The following CYTH1 variants were observed in gnomAD, a reference collection of about 807,000 sequenced individuals.
CYTH1 encodes cytohesin 1, also known as cytohesin-1.
In CYTH1, 18 loss-of-function variants were observed where a neutral mutation model predicts 61.8. The ratio of observed to expected loss-of-function variants is 0.29; its 90% CI spans 0.20 to 0.43. CYTH1 has a LOEUF of 0.43. CYTH1 is among the 20% of genes least tolerant of loss of function. The pLI is 1.00. For missense variants in CYTH1, 336 were observed against 510.5 expected (o/e 0.66, Z 3.29); for synonymous variants, 174 against 184.3 (o/e 0.94, Z 0.45).
intron 1 of CYTH1, among the ~76,000 whole-genome samples, chr17:78,760,428 CATACATATATATATGTATATATATAT>C (rs1567879224): frequency 0.01 from 553 of 53,106 alleles, 62 homozygotes; most frequent in Non-Finnish European, 0.014. Context: ...TATATATACA[CATACATATATATATGTATATATATAT>C]ACATACATAT....
intron 1 of CYTH1, among the ~76,000 whole-genome samples, chr17:78,778,031 G>A (rs1220056240): frequency 6.6e-6 from 1 of 152,032 alleles, no homozygotes; most frequent in African/African-American, 2.4e-5. Context: ...GGCTGGGCTT[G>A]GTGGCTCAGG....
chr17:78,778,241 A>G (rs2093500861), intron 1 of CYTH1, among the ~76,000 whole-genome samples: 1 of 145,026 alleles, frequency 6.9e-6, no homozygotes, highest in African/African-American at 2.6e-5. Context: ...TGGAAGCTGC[A>G]GGGAGCTAAG....
chr17:78,730,275 C>T (rs2093286244), intron 1 of CYTH1, among the ~76,000 whole-genome samples: 2 of 150,340 alleles, frequency 1.3e-5, no homozygotes, highest in Admixed American at 6.7e-5. Context: ...CCTTTAATCC[C>T]AGCACTTTGG....
At chr17:78,722,328 G>A (rs751060505) in intron 1 of CYTH1, among the ~76,000 whole-genome samples, 4 of 152,198 alleles carry the variant, frequency 2.6e-5, no homozygotes, top group Non-Finnish European at 4.4e-5. Flanking sequence ...GCACTCCACT[G>A]CTGTTTCGAA....
At chr17:78,771,909 T>C (rs16971682) in intron 1 of CYTH1, among the ~76,000 whole-genome samples, 40,449 of 151,878 alleles carry the variant, frequency 0.27, 6,480 homozygotes, top group East Asian at 0.36. Flanking sequence ...TGAGGAGTCA[T>C]AGAAATCCCC....
At chr17:78,735,682 TGGGAAAA>T (rs2093317167) in intron 1 of CYTH1, among the ~76,000 whole-genome samples, 1 of 152,146 alleles carries the variant, frequency 6.6e-6, no homozygotes, top group Non-Finnish European at 1.5e-5. Context: ...TGAACCAGAG[TGGGAAAA>T]GCCTAAAGAG....
chr17:78,758,493 T>G (rs549766788), intron 1 of CYTH1, among the ~76,000 whole-genome samples: 1 of 151,972 alleles, frequency 6.6e-6, no homozygotes, highest in African/African-American at 2.4e-5. Context: ...TCACCCGAGG[T>G]CAGGAGTTCG....
intron 12 of CYTH1, 134 bp downstream of exon 12, chr17:78,680,834 GAAC>G: frequency 3.4e-6 from 3 of 879,566 alleles, no homozygotes; most frequent in Non-Finnish European, 5.5e-6. Context: ...TCTTTGGCTT[GAAC>G]AATATAATAA....
chr17:78,705,305 C>T (rs2093053894), intron 3 of CYTH1, among the ~76,000 whole-genome samples: 1 of 152,154 alleles, frequency 6.6e-6, no homozygotes, highest in Admixed American at 6.5e-5. Flanking sequence ...TCCCTAATTT[C>T]ATTAGCTAGC....
rs189834173 is a variant in CYTH1 at position 78,757,500 on chromosome 17, G to C, written c.22+24702C>G. On this transcript the variant is annotated intron_variant, in intron 1 of 13. Transcript: ENST00000446868. ...TCTGTTGAATAGATGAATAAAAAAC[G>C]ACCTGGGAAAGAAGCTGCTATAATT... Among the ~76,000 whole-genome samples the C allele has an allele frequency of 1.6e-3, 248 of 152,152 alleles. 1 individual carries two copies. The highest frequency in any genetic ancestry group is 5.8e-3 in the African/African-American group (239 of 41,514).
chr17:78,681,275 G>A (rs2092759399), intron 11 of CYTH1, among the ~76,000 whole-genome samples: 1 of 152,124 alleles, frequency 6.6e-6, no homozygotes, highest in Non-Finnish European at 1.5e-5. Context: ...AGATTCAACA[G>A]ACACCGTGAG....
At chr17:78,746,588 T>C (rs952662049) in intron 1 of CYTH1, among the ~76,000 whole-genome samples, 6 of 152,132 alleles carry the variant, frequency 3.9e-5, no homozygotes, top group African/African-American at 9.7e-5. Flanking sequence ...CTAACACTTT[T>C]AGAATGCCGA....
intron 1 of CYTH1, among the ~76,000 whole-genome samples, chr17:78,724,558 A>G (rs528125301): frequency 6.6e-6 from 1 of 152,254 alleles, no homozygotes; most frequent in African/African-American, 2.4e-5. Flanking sequence ...CCCCATCCCA[A>G]TTCCCCACAA....
chr17:78,722,156 T>A (rs2093234454), intron 1 of CYTH1, among the ~76,000 whole-genome samples: 1 of 152,244 alleles, frequency 6.6e-6, no homozygotes, highest in Non-Finnish European at 1.5e-5. Flanking sequence ...CAAAATTTTA[T>A]CCTGCGAATT....
intron 11 of CYTH1, among the ~76,000 whole-genome samples, chr17:78,692,211 C>T (rs143950271): frequency 2.1e-3 from 317 of 152,282 alleles, no homozygotes; most frequent in African/African-American, 7.3e-3. Flanking sequence ...GCTCTGAGCC[C>T]GTGCCCTTTA....
intron 1 of CYTH1, among the ~76,000 whole-genome samples, chr17:78,777,955 G>A (rs769621881): frequency 5.9e-5 from 9 of 151,970 alleles, no homozygotes; most frequent in African/African-American, 1.5e-4. Context: ...TGAAAACAGC[G>A]CACACACAAA....
intron 11 of CYTH1, among the ~76,000 whole-genome samples, chr17:78,685,203 C>CAA (rs58642161): frequency 0.037 from 2,218 of 59,790 alleles, 59 homozygotes; most frequent in Non-Finnish European, 0.047. Flanking sequence ...GACTCTGTCT[C>CAA]AAAAAAAAAA....
chr17:78,762,107 C>G (rs906092874), intron 1 of CYTH1, among the ~76,000 whole-genome samples: 5 of 152,166 alleles, frequency 3.3e-5, no homozygotes, highest in African/African-American at 1.2e-4. Flanking sequence ...TTTTTCCTAT[C>G]AAGGTCCATT....
intron 1 of CYTH1, among the ~76,000 whole-genome samples, chr17:78,719,694 T>C (rs937716276): frequency 6.6e-6 from 1 of 152,204 alleles, no homozygotes; most frequent in Non-Finnish European, 1.5e-5. Context: ...ACCAGGATTT[T>C]ACTGGAAGCC....
Sources: gnomAD v4.1 joint callset for allele counts (sites outside exome capture counted in the v4.1 genomes callset) on GRCh38, gnomAD v4.1.1 for gene constraint, MANE v1.5 for transcripts, NCBI Gene and HGNC (gene_info 2026-07-23, HGNC 2026-07-21) for gene names.